TOR1AIP1: variants seen among roughly 807,000 people sequenced by gnomAD.
The protein encoded by TOR1AIP1 is torsin-1A-interacting protein 1.
In TOR1AIP1, 54 loss-of-function variants were observed where a neutral mutation model predicts 63.3. The observed-to-expected ratio is 0.85, with a 90% CI of 0.69 to 1.07. The LOEUF is 1.07. Ranked by LOEUF, TOR1AIP1 falls within the 50% of genes least tolerant of loss-of-function variation. The pLI, the probability that TOR1AIP1 is intolerant of heterozygous loss-of-function variation, is 0.00. For synonymous variants in TOR1AIP1, 294 were observed against 273.5 expected, an observed-to-expected ratio of 1.07 and a Z score of -0.74; for missense variants, 736 against 715.0, an observed-to-expected ratio of 1.03 and a Z score of -0.33.
chr1:179,905,863 G>A (rs1648618145), intron 6 of TOR1AIP1, among the ~76,000 whole-genome samples: 1 of 152,078 alleles, frequency 6.6e-6, no homozygotes, highest in Non-Finnish European at 1.5e-5. Flanking sequence ...TGAGGCAGGA[G>A]AATCGCTTGA....
At chr1:179,908,562 C>G (rs1473377142) in intron 7 of TOR1AIP1, 43 bp from the exon 8 acceptor site, 2 of 1,531,282 alleles carry the variant, frequency 1.3e-6, no homozygotes, top group Non-Finnish European at 1.8e-6. Context: ...TATAAACTTT[C>G]AAAGTATGGG....
At position 179,919,765 on chromosome 1, in the gene TOR1AIP1, T is replaced by G. The variant is rs1459896386; in HGVS notation, c.*1526T>G. The G allele has an allele frequency of 6.6e-6, 1 of 152,248 alleles. No homozygotes were observed. The highest frequency in any genetic ancestry group is 1.5e-5 in the Non-Finnish European group (1 of 68,038). 9.4% of individuals were successfully genotyped at this position (152,248 alleles called of 1,614,324 possible). A position where few individuals can be genotyped will look rare whatever the true frequency, so the allele number is the denominator to read the frequency against. On this transcript the variant is annotated 3_prime_UTR_variant, in exon 10 of 10. Coordinates refer to ENST00000606911, the MANE Select transcript of TOR1AIP1 (RefSeq NM_015602.4). ...TTCCACAAGTGGTAGTAGAGTGGTT[T>G]AACGTCTTTCCTCTAGTACTACCAG...
intron 6 of TOR1AIP1, 127 bp downstream of exon 6, chr1:179,904,149 AC>A: frequency 1.5e-6 from 1 of 671,548 alleles, no homozygotes. Context: ...CTAAAAAAAA[AC>A]TTATCCGATA....
At chr1:179,911,566 A>G (rs568052156) in intron 8 of TOR1AIP1, among the ~76,000 whole-genome samples, 56 of 152,330 alleles carry the variant, frequency 3.7e-4, no homozygotes, top group Non-Finnish European at 5.6e-4. Flanking sequence ...AGAAGAATAT[A>G]TGTGCATGGA....
At chr1:179,887,401 AAAAAAAAATACCT>A (rs533754766) in intron 2 of TOR1AIP1, among the ~76,000 whole-genome samples, 89 of 152,342 alleles carry the variant, frequency 5.8e-4, no homozygotes, top group Non-Finnish European at 9.8e-4. Context: ...TCCGTCTAAA[AAAAAAAAATACCT>A]AAACCAAAGG....
At chr1:179,893,991 C>T (rs1222748266) in intron 3 of TOR1AIP1, among the ~76,000 whole-genome samples, 1 of 152,120 alleles carries the variant, frequency 6.6e-6, no homozygotes, top group African/African-American at 2.4e-5. Context: ...AGGCCGGGCA[C>T]GGTGGCTCAC....
intron 3 of TOR1AIP1, among the ~76,000 whole-genome samples, chr1:179,894,274 G>C (rs960437042): frequency 5.3e-5 from 8 of 150,672 alleles, no homozygotes; most frequent in Admixed American, 2.0e-4. Flanking sequence ...AAAGAATAAA[G>C]ACGACAAATC....
chr1:179,899,645 C>G (rs555250273), intron 3 of TOR1AIP1, among the ~76,000 whole-genome samples: 1 of 152,112 alleles, frequency 6.6e-6, no homozygotes, highest in African/African-American at 2.4e-5. Flanking sequence ...TTAAACACTT[C>G]ATTTCCTTTT....
chr1:179,906,732 T>TCCC (rs58237159), intron 6 of TOR1AIP1, among the ~76,000 whole-genome samples: 18 of 112,666 alleles, frequency 1.6e-4, no homozygotes, highest in African/African-American at 5.8e-4. Context: ...CAATTTTGGT[T>TCCC]CCCCCCCCCC....
chr1:179,882,670 A>G lies in TOR1AIP1; in HGVS notation c.168A>G (p.Glu56=). 1 of 1,595,090 alleles carries G rather than the reference A, an allele frequency of 6.3e-7. No individual in the cohort carries two copies. The highest frequency in any genetic ancestry group is 8.5e-7 in the Non-Finnish European group (1 of 1,169,746). Residue 56 remains glutamate (E), a synonymous_variant, in exon 1 of 10, where the codon GAA becomes GAG. Coordinates refer to ENST00000606911, the MANE Select transcript of TOR1AIP1 (RefSeq NM_015602.4). ...RTPPSRQGRR[E]VRFSDEPPEV... The stretch of plus-strand genomic sequence containing the variant: ...CTCCGTCGCGCCAGGGCCGGCGGGA[A>G]GTGAGGTTCTCGGACGAGCCGCCAG...
chr1:179,888,320 C>T (rs968309033), intron 2 of TOR1AIP1, among the ~76,000 whole-genome samples: 16 of 152,214 alleles, frequency 1.1e-4, no homozygotes, highest in Non-Finnish European at 2.2e-4. Context: ...TCACTGTCAC[C>T]CAGGCTGGCG....
At position 179,904,003 on chromosome 1, in the gene TOR1AIP1, AT is replaced by A; in HGVS notation, c.781del (p.Trp261GlyfsTer19). 1 of 1,608,454 alleles carries A rather than the reference AT, an allele frequency of 6.2e-7. No homozygotes were observed. The highest frequency in any genetic ancestry group is 8.5e-7 in the Non-Finnish European group (1 of 1,176,350). ...TRSSSQYIESFWQSSQSQNFT... is the reference protein window; with the variant it reads ...TRSSSQYIESXWQSSQSQNFT... ...GATCATCTAGTCAATATATAGAATC[AT>A]TTTGGCAGTCATCACAAAGTAAGTA... On this transcript the variant is annotated frameshift_variant, in exon 6 of 10. Transcript: ENST00000606911. LOFTEE classifies it high-confidence loss of function.
chr1:179,887,097 GC>G (rs1455059979), intron 2 of TOR1AIP1, among the ~76,000 whole-genome samples: 3 of 152,018 alleles, frequency 2.0e-5, no homozygotes, highest in African/African-American at 7.2e-5. Context: ...ATGCAAAGAT[GC>G]CCTTACGAAT....
intron 8 of TOR1AIP1, among the ~76,000 whole-genome samples, chr1:179,910,681 A>AG (rs1648806660): frequency 6.6e-6 from 1 of 152,214 alleles, no homozygotes; most frequent in South Asian, 2.1e-4. Flanking sequence ...TTAAAATTAA[A>AG]TTTGAAGACC....
intron 3 of TOR1AIP1, among the ~76,000 whole-genome samples, chr1:179,893,192 G>A (rs563726762): frequency 1.3e-5 from 2 of 151,626 alleles, no homozygotes; most frequent in African/African-American, 4.8e-5. Flanking sequence ...GCAGTGAGCC[G>A]AGATTGCGCC....
In TOR1AIP1 at chr1:179,893,050, G is replaced by A. The variant is rs377055696; in HGVS notation, c.610+3681G>A. Reference sequence around the variant, plus strand: ...GAGGTCAGGAGTTTGAGACCAGCCCGGCCAACATAGTGAAACCCTGTCTCT... The same window carrying A: ...GAGGTCAGGAGTTTGAGACCAGCCCAGCCAACATAGTGAAACCCTGTCTCT... On this transcript the variant is annotated intron_variant, in intron 3 of 9. Transcript: ENST00000606911. 1.6e-4 allele frequency among the ~76,000 whole-genome samples: 25 copies of A among 152,174 alleles called. No homozygotes were observed. The South Asian group carries it at 1.9e-3, about 11-fold the overall frequency.
At chr1:179,896,250 ATC>A (rs1424203095) in intron 3 of TOR1AIP1, among the ~76,000 whole-genome samples, 1 of 152,148 alleles carries the variant, frequency 6.6e-6, no homozygotes, top group Admixed American at 6.5e-5. Flanking sequence ...TAATCATAAA[ATC>A]TATTTTATTC....
intron 2 of TOR1AIP1, among the ~76,000 whole-genome samples, chr1:179,889,065 G>A (rs758510547): frequency 2.6e-5 from 4 of 152,078 alleles, no homozygotes; most frequent in Non-Finnish European, 4.4e-5. Flanking sequence ...CTACAGCTAC[G>A]GTTTGCTGAG....
chr1:179,896,002 A>G lies in TOR1AIP1; in HGVS notation c.611-4124A>G, dbSNP rs546970409. On this transcript the variant is annotated intron_variant, in intron 3 of 9. Coordinates refer to ENST00000606911, the MANE Select transcript of TOR1AIP1 (RefSeq NM_015602.4). ...GCCAAGTTTAAAATAGAGGTAGGTG[A>G]AAAACAAAAGAGGGAAATGAAATTA... is the stretch of plus-strand genomic sequence containing the variant. Among the ~76,000 whole-genome samples, 798 of 133,472 alleles carry G rather than the reference A, an allele frequency of 6.0e-3. 9 individuals are homozygous for G. The highest frequency in any genetic ancestry group is 0.022 in the South Asian group (100 of 4,454). 87.6% of individuals were successfully genotyped at this position (133,472 alleles called of 152,430 possible).
Sources: gnomAD v4.1 joint callset for allele counts (sites outside exome capture counted in the v4.1 genomes callset) on GRCh38, gnomAD v4.1.1 for gene constraint, MANE v1.5 for transcripts, NCBI Gene and HGNC (gene_info 2026-07-23, HGNC 2026-07-21) for gene names.